Variants in KANSL2 observed in about 807,000 individuals in gnomAD.
The protein encoded by KANSL2 is NSL complex protein NSL2.
Under a neutral mutation model 55.6 loss-of-function variants are expected in KANSL2, and 34 were observed. That is an observed-to-expected ratio of 0.61 (90% CI 0.46 to 0.81). The LOEUF (loss-of-function observed/expected upper bound fraction) is 0.81. Among genes scored for constraint, KANSL2 ranks in the 40% least tolerant of loss-of-function variants. KANSL2 has a pLI of 0.00. For synonymous variants in KANSL2, 209 were observed against 214.3 expected (o/e 0.98, Z 0.22); for missense variants, 502 against 609.9 (o/e 0.82, Z 1.86).
intron 7 of KANSL2, chr12:48,661,193 GC>G: frequency 3.2e-6 from 3 of 923,168 alleles, no homozygotes; most frequent in Non-Finnish European, 3.8e-6. Context: ...AAATATACAT[GC>G]CTTTTTTTTT....
intron 4 of KANSL2, among the ~76,000 whole-genome samples, chr12:48,674,186 G>C (rs1400530937): frequency 2.6e-5 from 4 of 152,094 alleles, no homozygotes; most frequent in African/African-American, 9.7e-5. Flanking sequence ...TGTTTCCCAG[G>C]CTGCACTGAA....
intron 5 of KANSL2, among the ~76,000 whole-genome samples, chr12:48,670,708 G>A (rs1400895114): frequency 6.6e-6 from 1 of 151,964 alleles, no homozygotes; most frequent in East Asian, 1.9e-4. Context: ...GCTCATGCCT[G>A]TAATCAATCC....
In KANSL2 at chr12:48,655,058, G is replaced by A. The variant is rs529908395; in HGVS notation, c.1230C>T (p.Asp410=). 9.5e-6 allele frequency: 15 copies of A among 1,570,972 alleles called. No individual in the cohort carries two copies. In the South Asian group the frequency reaches 1.8e-4, roughly 18 times the overall value. The change falls in exon 9 of 10, where the codon GAC becomes GAT. Residue 410 remains aspartate (D), a splice_region_variant and synonymous_variant. Transcript: ENST00000420613. ...TESLPLEFSD[D]LDVVGDGMQC... The stretch of plus-strand genomic sequence containing the variant: ...GCATACCATCACCCACAACATCCAA[G>A]TCCTAGAAAAAAGAGAAAAGCCCAT...
At chr12:48,674,005 TTG>T (rs1939776499) in intron 4 of KANSL2, among the ~76,000 whole-genome samples, 1 of 152,202 alleles carries the variant, frequency 6.6e-6, no homozygotes, top group African/African-American at 2.4e-5. Context: ...TTTAAAAATT[TTG>T]TTTCACTCAC....
intron 4 of KANSL2, among the ~76,000 whole-genome samples, chr12:48,672,433 A>ATATATATATATTTT (rs371918890): frequency 2.5e-5 from 3 of 120,384 alleles, no homozygotes; most frequent in African/African-American, 1.1e-4. Context: ...ATATATATAT[A>ATATATATATATTTT]TTTTTTTTTT....
In KANSL2 at chr12:48,660,517, C is replaced by G; in HGVS notation, c.1076G>C (p.Cys359Ser). The G allele has an allele frequency of 6.2e-7, 1 of 1,613,588 alleles. No homozygotes were observed. Among genetic ancestry groups the G allele is most frequent in the South Asian group, 1.1e-5 (1 of 90,994 alleles). The change falls in exon 8 of 10, where the codon TGC becomes TCC. Residue 359 changes from cysteine (C) to serine (S), a missense_variant. Coordinates refer to ENST00000420613, the MANE Select transcript of KANSL2 (RefSeq NM_017822.4). ...PVPVSLSEDP[C>S]CPLHFQLPPQ... is the part of the protein sequence containing the mutation. ...AGGCAACTGGAAATGCAGTGGGCAG[C>G]AGGGATCCTCAGAGAGGCTTACAGG...
intron 6 of KANSL2, 56 bp from the exon 7 acceptor site, chr12:48,667,845 C>G: frequency 8.0e-7 from 1 of 1,243,478 alleles, no homozygotes; most frequent in Non-Finnish European, 1.2e-6. Flanking sequence ...CAAACAATTA[C>G]GATGAAAATA....
At chr12:48,661,250 G>A (rs560031042) in intron 7 of KANSL2, 2 of 967,170 alleles carry the variant, frequency 2.1e-6, no homozygotes, top group East Asian at 1.2e-4. Flanking sequence ...GATCCTAAAG[G>A]AAGAAGAAAA....
intron 3 of KANSL2, 24 bp downstream of exon 3, chr12:48,679,631 C>T (rs1160578700): frequency 6.3e-7 from 1 of 1,598,934 alleles, no homozygotes; most frequent in African/African-American, 1.3e-5. Flanking sequence ...CCTCCTTTTT[C>T]ATTCCAGGAG....
At chr12:48,681,157 T>C in intron 2 of KANSL2, 1 of 383,026 alleles carries the variant, frequency 2.6e-6, no homozygotes, top group Non-Finnish European at 4.6e-6. Flanking sequence ...ATTTAGAATA[T>C]GCCTTTATTT....
At chr12:48,655,248 T>G (rs1166909914) in intron 8 of KANSL2, among the ~76,000 whole-genome samples, 188 bp from the exon 9 acceptor site, 1 of 152,192 alleles carries the variant, frequency 6.6e-6, no homozygotes. Context: ...GAGCTTTTGC[T>G]GCCAAGTGTA....
rs1227266217 is a variant in KANSL2, at chr12:48,679,851, T to A, written c.252-18A>T. The A allele has an allele frequency of 2.6e-6, 4 of 1,554,670 alleles. No individual in the cohort carries two copies. Among genetic ancestry groups the A allele is most frequent in the African/African-American group, 1.4e-5 (1 of 72,818 alleles). Reference sequence around the variant, plus strand: ...AGGACACCCTGAAGAGACAAAACATTAATATTTTATAAGTTCCTTCTTGAA... The same window carrying A: ...AGGACACCCTGAAGAGACAAAACATAAATATTTTATAAGTTCCTTCTTGAA... On this transcript the variant is annotated intron_variant, in intron 2 of 9. Transcript: ENST00000420613.
intron 5 of KANSL2, among the ~76,000 whole-genome samples, chr12:48,671,348 T>C (rs1039179455): frequency 6.6e-6 from 1 of 152,166 alleles, no homozygotes; most frequent in Non-Finnish European, 1.5e-5. Flanking sequence ...AAACTTTTTT[T>C]ATAAATTTAG....
intron 8 of KANSL2, 51 bp downstream of exon 8, chr12:48,660,315 A>G (rs1811786106): frequency 6.3e-7 from 1 of 1,598,208 alleles, no homozygotes; most frequent in Non-Finnish European, 8.5e-7. Flanking sequence ...CCATTAATAA[A>G]TAAGGCTTTG....
chr12:48,679,205 C>G, intron 3 of KANSL2, 55 bp from the exon 4 acceptor site: 1 of 1,113,422 alleles, frequency 9.0e-7, no homozygotes, highest in Non-Finnish European at 1.4e-6. Context: ...GTAACTCCAC[C>G]ACACAAAACT....
At chr12:48,657,137 C>G (rs1939400233) in intron 8 of KANSL2, among the ~76,000 whole-genome samples, 1 of 152,186 alleles carries the variant, frequency 6.6e-6, no homozygotes, top group Non-Finnish European at 1.5e-5. Context: ...AATCCTAACA[C>G]TTTGGGAGGC....
intron 7 of KANSL2, chr12:48,661,310 C>G: frequency 1.9e-6 from 1 of 531,986 alleles, no homozygotes; most frequent in Non-Finnish European, 2.4e-6. Flanking sequence ...AGAAACATTC[C>G]AAGGACTCTA....
intron 4 of KANSL2, among the ~76,000 whole-genome samples, chr12:48,676,762 ATC>A (rs1454122881): frequency 1.3e-5 from 2 of 152,176 alleles, no homozygotes; most frequent in African/African-American, 4.8e-5. Context: ...TTTGAGGGAA[ATC>A]ATATATATAC....
chr12:48,655,037 ACC>A lies in KANSL2; in HGVS notation c.1249_1250del (p.Gly417TyrfsTer11). ...FSDDLDVVGDGMQCPPSPLLF... is the reference protein window; with the variant it reads ...FSDDLDVVGDXMQCPPSPLLF... ...GCAAAGGTGAAGGAGGACACTGCAT[ACC>A]ATCACCCACAACATCCAAGTCCTAG... is the stretch of plus-strand genomic sequence containing the variant. On this transcript the variant is annotated frameshift_variant, in exon 9 of 10. Coordinates refer to ENST00000420613, the MANE Select transcript of KANSL2 (RefSeq NM_017822.4). LOFTEE classifies it high-confidence loss of function. 6.3e-7 allele frequency: 1 copy of A among 1,582,238 alleles called. No individual in the cohort carries two copies. Among genetic ancestry groups the A allele is most frequent in the Non-Finnish European group, 8.6e-7 (1 of 1,163,670 alleles).
Sources: gnomAD v4.1 joint callset for allele counts (sites outside exome capture counted in the v4.1 genomes callset) on GRCh38, gnomAD v4.1.1 for gene constraint, MANE v1.5 for transcripts, NCBI Gene and HGNC (gene_info 2026-07-23, HGNC 2026-07-21) for gene names.